Variants in MAN2B1 observed in about 807,000 individuals in gnomAD.
MAN2B1 encodes the protein mannosidase alpha class 2B member 1, also known as lysosomal alpha-mannosidase.
A neutral mutation model predicts 127.5 loss-of-function variants in MAN2B1; 99 were observed. The ratio of observed to expected loss-of-function variants is 0.78; its 90% confidence interval spans 0.66 to 0.92. MAN2B1 has a LOEUF of 0.92. MAN2B1 is among the 40% of genes least tolerant of loss of function. MAN2B1 has a pLI of 0.00. For synonymous variants in MAN2B1, 573 were observed against 568.8 expected, an observed-to-expected ratio of 1.01 and a Z score of -0.11; for missense variants, 1,304 against 1,384.8, an observed-to-expected ratio of 0.94 and a Z score of 0.93.
In MAN2B1 at chr19:12,647,307, C is replaced by A. The variant is rs139041112; in HGVS notation, c.2849G>T (p.Arg950Leu). 1.9e-6 allele frequency: 3 copies of A among 1,613,962 alleles called. No individual in the cohort carries two copies. Among genetic ancestry groups the A allele is most frequent in the Non-Finnish European group, 1.7e-6 (2 of 1,180,000 alleles). The stretch of plus-strand genomic sequence containing the variant: ...GGCCACCAGCGTGGTCTCCTGCAGG[C>A]GGGTGATGGTGAAGGTGGAGAACAG... ...RDLFSTFTIT[R>L]LQETTLVANQ... Residue 950 changes from arginine to leucine, a missense_variant, in exon 23 of 24, where the codon CGC (arginine) becomes CTC (leucine). By Grantham distance (102) the Arg-to-Leu change is moderately radical. Transcript: ENST00000456935. This position sits in a 1 kb window ranked among gnomAD's most constrained non-coding sequence, Gnocchi z 4.9.
intron 20 of MAN2B1, among the ~76,000 whole-genome samples, 192 bp from the exon 21 acceptor site, chr19:12,648,594 G>A (rs764880834): frequency 2.0e-4 from 31 of 152,208 alleles, no homozygotes; most frequent in Non-Finnish European, 3.8e-4. Flanking sequence ...GAACCAGGCC[G>A]GAAGGAGGTA....
chr19:12,658,385 G>A (rs937611382), intron 8 of MAN2B1, 41 bp from the exon 9 acceptor site: 17 of 1,614,092 alleles, frequency 1.1e-5, no homozygotes, highest in African/African-American at 6.7e-5. Flanking sequence ...CATGACCCAC[G>A]GGGCATGCCA....
chr19:12,652,012 G>A (rs1050613544), intron 16 of MAN2B1, 141 bp downstream of exon 16: 19 of 745,476 alleles, frequency 2.5e-5, no homozygotes, highest in South Asian at 5.6e-5. Context: ...TATTTCCCCC[G>A]CTGATCTGTG....
At chr19:12,658,578 C>T in intron 7 of MAN2B1, 68 bp from the exon 8 acceptor site, 7 of 1,315,658 alleles carry the variant, frequency 5.3e-6, no homozygotes, top group East Asian at 2.4e-5. Context: ...CACTTCCACA[C>T]ATGTGTGCAC....
intron 18 of MAN2B1, 126 bp downstream of exon 18, chr19:12,649,786 TC>T (rs1290307730): frequency 2.1e-5 from 18 of 838,834 alleles, no homozygotes; most frequent in East Asian, 5.0e-5. Flanking sequence ...CCTGCCTGGC[TC>T]CCCCGCCCTT....
rs2024217585 is a variant in MAN2B1, at chr19:12,665,713, G to T, written c.252C>A (p.Tyr84Ter). The T allele has an allele frequency of 1.2e-6, 2 of 1,614,048 alleles. No homozygotes were observed. The highest frequency in any genetic ancestry group is 1.3e-5 in the African/African-American group (1 of 75,030). ...DVGWLKTVDQ[Y>*]FYGIKNDIQH... is the part of the protein sequence containing the mutation. ...CCATCCTCTACTCACTTCCATAAAA[G>T]TACTGGTCCACGGTTTTGAGCCAGC... Residue 84 changes from tyrosine to a stop codon, truncating the protein, a stop_gained, in exon 2 of 24, where the codon TAC (tyrosine) becomes TAA (stop). Coordinates refer to ENST00000456935, the MANE Select transcript of MAN2B1 (RefSeq NM_000528.4). LOFTEE classifies it high-confidence loss of function.
Position 12,646,572 on chromosome 19 carries a change from T to G in MAN2B1, c.*48A>C. ...CCAAGAGGAGAGTCAGAGTCTGGTC[T>G]GCCCCCGGAGCAGGAGGCTTGGGCT... On this transcript the variant is annotated 3_prime_UTR_variant, in exon 24 of 24. Coordinates refer to ENST00000456935, the MANE Select transcript of MAN2B1 (RefSeq NM_000528.4). The G allele has an allele frequency of 7.2e-7, 1 of 1,397,678 alleles. No homozygotes were observed. The highest frequency in any genetic ancestry group is 1.2e-5 in the South Asian group (1 of 86,592). The allele number at this position is 1,397,678 out of a possible 1,614,324, so 86.6% of individuals were successfully genotyped here.
At chr19:12,648,481 G>T in intron 20 of MAN2B1, 79 bp from the exon 21 acceptor site, 1 of 1,055,578 alleles carries the variant, frequency 9.5e-7, no homozygotes, top group South Asian at 1.4e-5. Flanking sequence ...GTAAGGGCGT[G>T]TGGGAATGTC....
rs1428387159 is a variant in MAN2B1 at position 12,666,675 on chromosome 19, C to G, written c.27G>C (p.Gly9=). Residue 9 remains glycine, a synonymous_variant, in exon 1 of 24, where the codon GGG becomes GGC. Coordinates refer to ENST00000456935, the MANE Select transcript of MAN2B1 (RefSeq NM_000528.4). MGAYARAS[G]VCARGCLDSA... is the part of the protein sequence containing the mutation. The stretch of plus-strand genomic sequence containing the variant: ...AGTCCAGGCAGCCGCGAGCGCAGAC[C>G]CCCGAAGCCCGCGCGTAGGCGCCCA... 9 of 1,551,182 alleles carry G rather than the reference C, an allele frequency of 5.8e-6. No individual in the cohort carries two copies. The highest frequency in any genetic ancestry group is 7.0e-6 in the Non-Finnish European group (8 of 1,147,644).
intron 1 of MAN2B1, 111 bp from the exon 2 acceptor site, chr19:12,665,916 A>C: frequency 1.2e-6 from 1 of 826,148 alleles, no homozygotes; most frequent in Non-Finnish European, 2.0e-6. Context: ...GATCTCGCCT[A>C]TGTGCAGAGG....
chr19:12,646,900 C>G, intron 23 of MAN2B1, 168 bp from the exon 24 acceptor site: 1 of 633,828 alleles, frequency 1.6e-6, no homozygotes. Context: ...ATACCACCCC[C>G]AGGTCCAATG....
At position 12,664,656 on chromosome 19, in the gene MAN2B1, C is replaced by G; in HGVS notation, c.630+136G>C. 3 of 955,848 alleles carry G rather than the reference C, an allele frequency of 3.1e-6. No individual in the cohort carries two copies. The South Asian group carries it at 4.5e-5, about 14-fold the overall frequency. 59.2% of individuals were successfully genotyped at this position (955,848 alleles called of 1,614,324 possible). A position where few individuals can be genotyped will look rare whatever the true frequency, so the allele number is the denominator to read the frequency against. ...AAAGCCACTGGCTTTACGGCTCACT[C>G]AAGGGGCAGGGCTTCAACAGGCCTA... On this transcript the variant is annotated intron_variant, in intron 4 of 23. Transcript: ENST00000456935.
chr19:12,656,519 T>C (rs904359115), intron 13 of MAN2B1, 52 bp downstream of exon 13: 14 of 1,296,060 alleles, frequency 1.1e-5, no homozygotes, highest in Middle Eastern at 4.2e-4. Flanking sequence ...GATGAGGAAA[T>C]GCCCACTGGG....
At chr19:12,663,907 G>C (rs2024168121) in intron 4 of MAN2B1, 72 bp from the exon 5 acceptor site, 1 of 1,583,262 alleles carries the variant, frequency 6.3e-7, no homozygotes, top group Non-Finnish European at 8.7e-7. Flanking sequence ...CCCTCTGCTT[G>C]GGAGGGGCAG....
Position 12,663,826 on chromosome 19 carries a change from C to T in MAN2B1, c.640G>A (p.Asp214Asn), listed in dbSNP as rs777610043. ...QASLFAQMGF[D>N]GFFFGRLDYQ... Reference sequence around the variant, plus strand: ...TCAAGGCGCCCAAAGAAGAAGCCGTCGAAGCCCATCTGGGGATGAGGGAGG... The same window carrying T: ...TCAAGGCGCCCAAAGAAGAAGCCGTTGAAGCCCATCTGGGGATGAGGGAGG... The change falls in exon 5 of 24, where the codon GAC becomes AAC. Residue 214 changes from aspartate to asparagine, a missense_variant. Coordinates refer to ENST00000456935, the MANE Select transcript of MAN2B1 (RefSeq NM_000528.4). The T allele has an allele frequency of 4.3e-6, 7 of 1,614,054 alleles. No individual in the cohort carries two copies. Among genetic ancestry groups the T allele is most frequent in the Non-Finnish European group, 5.9e-6 (7 of 1,180,036 alleles).
chr19:12,666,463 A>G, intron 1 of MAN2B1, 80 bp downstream of exon 1: 2 of 1,501,132 alleles, frequency 1.3e-6, no homozygotes, highest in Non-Finnish European at 1.8e-6. Flanking sequence ...CACCCACAGG[A>G]CAGACCCACC....
rs776241681 is a variant in MAN2B1, at chr19:12,664,820, G to C, written c.602C>G (p.Ser201Cys). Residue 201 changes from serine to cysteine, a missense_variant, in exon 4 of 24, where the codon TCT becomes TGT. Coordinates refer to ENST00000456935, the MANE Select transcript of MAN2B1 (RefSeq NM_000528.4). ...CGCAAACAGCGAGGCCTGCTCCCGA[G>C]AGTGGCCGAAGGGGTCAATGTGCCA... ...VAWHIDPFGHSREQASLFAQM... is the reference protein window; with the variant it reads ...VAWHIDPFGHCREQASLFAQM... 2.0e-5 allele frequency: 33 copies of C among 1,613,580 alleles called. No individual in the cohort carries two copies. Among genetic ancestry groups the C allele is most frequent in the African/African-American group, 2.7e-5 (2 of 74,946 alleles).
Position 12,661,332 on chromosome 19 carries a change from C to A in MAN2B1, c.954G>T (p.Ser318=). Residue 318 remains serine (S), a synonymous_variant, in exon 7 of 24, where the codon TCG becomes TCT. Coordinates refer to ENST00000456935, the MANE Select transcript of MAN2B1 (RefSeq NM_000528.4). ...RTNHTVMTMG[S]DFQYENANMW... ...TGTTGGCATTCTCATATTGGAAGTC[C>A]GAGCCCATGGTCATCACAGTGTGGT... 1.2e-6 allele frequency: 2 copies of A among 1,614,000 alleles called. No homozygotes were observed. Among genetic ancestry groups the A allele is most frequent in the Non-Finnish European group, 8.5e-7 (1 of 1,179,888 alleles).
chr19:12,650,869 TCCATGTTGG>T (rs112871024), intron 16 of MAN2B1, among the ~76,000 whole-genome samples: 7,868 of 151,320 alleles, frequency 0.052, 548 homozygotes, highest in African/African-American at 0.16. Context: ...GGGGTTTCTA[TCCATGTTGG>T]CCAGACTTGT....
Sources: allele counts gnomAD v4.1 joint callset (sites outside exome capture counted in the v4.1 genomes callset), GRCh38; gene constraint gnomAD v4.1.1; non-coding constraint Gnocchi (gnomAD v3.1); transcripts MANE v1.5; gene names NCBI Gene and HGNC (gene_info 2026-07-23, HGNC 2026-07-21).